KLF3: variants seen among roughly 807,000 people sequenced by gnomAD.
KLF3 encodes Krueppel-like factor 3.
A neutral mutation model predicts 32.7 loss-of-function variants in KLF3; 6 were observed. The ratio of observed to expected loss-of-function variants is 0.18; its 90% CI spans 0.10 to 0.36. The LOEUF is 0.36. Ranked by LOEUF, KLF3 falls within the 10% of genes least tolerant of loss-of-function variation. KLF3 has a pLI of 1.00. For missense variants in KLF3, 338 were observed against 449.7 expected (o/e 0.75, Z 2.25); for synonymous variants, 145 against 172.8 (o/e 0.84, Z 1.26).
At chr4:38,682,139 A>G (rs904282921) in intron 2 of KLF3, among the ~76,000 whole-genome samples, 2 of 152,188 alleles carry the variant, frequency 1.3e-5, no homozygotes, top group African/African-American at 4.8e-5. Flanking sequence ...GCTCACTGCA[A>G]CCTCCGCCTC....
Position 38,697,514 on chromosome 4 carries a change from A to G in KLF3, c.*251A>G, listed in dbSNP as rs1723074935. ...TTTTTTTTTCTGGGGATGCTAAGCA[A>G]ACCCTTCTTACAGATACGTTTAATG... On this transcript the variant is annotated 3_prime_UTR_variant, in exon 6 of 6. Transcript: ENST00000261438. 4 of 389,518 alleles carry G rather than the reference A, an allele frequency of 1.0e-5. No homozygotes were observed. The Admixed American group carries it at 1.6e-4, about 16-fold the overall frequency. 24.1% of individuals were successfully genotyped at this position (389,518 alleles called of 1,614,324 possible). A position where few individuals can be genotyped will look rare whatever the true frequency, so the allele number is the denominator to read the frequency against.
rs79797966 is a variant in KLF3 at position 38,694,401 on chromosome 4, T to C, written c.696-345T>C. ...TGAGGAAAAGAGCCTCCCCAGCACT[T>C]GGTGCCTGCCTCTAGCATAGCACTT... On this transcript the variant is annotated intron_variant, in intron 4 of 5. Coordinates refer to ENST00000261438, the MANE Select transcript of KLF3 (RefSeq NM_016531.6). Among the ~76,000 whole-genome samples the C allele has an allele frequency of 9.3e-4, 141 of 152,306 alleles. 2 individuals are homozygous for C. The East Asian group carries it at 0.013, about 14-fold the overall frequency.
intron 2 of KLF3, among the ~76,000 whole-genome samples, chr4:38,686,967 A>G (rs890133576): frequency 1.3e-5 from 2 of 152,142 alleles, no homozygotes; most frequent in African/African-American, 2.4e-5. Flanking sequence ...CCCAGAGAGG[A>G]AAGAGGGTGA....
intron 1 of KLF3, among the ~76,000 whole-genome samples, chr4:38,672,720 G>A (rs1278786174): frequency 6.6e-6 from 1 of 152,174 alleles, no homozygotes; most frequent in Non-Finnish European, 1.5e-5. Context: ...GTTGTGAGCT[G>A]GAGAAGGATG....
intron 4 of KLF3, among the ~76,000 whole-genome samples, chr4:38,693,080 A>G (rs146782077): frequency 0.024 from 3,258 of 133,638 alleles, 62 homozygotes; most frequent in East Asian, 0.063. Flanking sequence ...ATATATACAC[A>G]TATATATACA....
intron 4 of KLF3, among the ~76,000 whole-genome samples, chr4:38,692,270 GGA>G (rs1009071400): frequency 6.6e-6 from 1 of 152,104 alleles, no homozygotes. Context: ...AAATGGGAGT[GGA>G]GACCAAAAAG....
rs1723190762 is a variant in KLF3 at position 38,701,496 on chromosome 4, AAAT to A, written c.*4236_*4238del. On this transcript the variant is annotated 3_prime_UTR_variant, in exon 6 of 6. Transcript: ENST00000261438. ...GAACAGAACAATAACGCATTAAAGT[AAAT>A]AACTCTGGATAAAAGTAATTATTTT... Among the ~76,000 whole-genome samples the A allele has an allele frequency of 6.6e-6, 1 of 152,240 alleles. No homozygotes were observed. The highest frequency in any genetic ancestry group is 2.4e-5 in the African/African-American group (1 of 41,454).
chr4:38,689,039 A>G lies in KLF3; in HGVS notation c.512A>G (p.Glu171Gly). The G allele has an allele frequency of 1.2e-6, 2 of 1,613,664 alleles. No individual in the cohort carries two copies. Among genetic ancestry groups the G allele is most frequent in the Non-Finnish European group, 1.7e-6 (2 of 1,179,604 alleles). Residue 171 changes from glutamate (E) to glycine (G), a missense_variant, in exon 3 of 6, where the codon GAG becomes GGG. Coordinates refer to ENST00000261438, the MANE Select transcript of KLF3 (RefSeq NM_016531.6). ...CAGCCTCTCATGGTCTCCTTATCGG[A>G]GGAGATGGAAAATTCCAGTAGTAGC... ...LQQPLMVSLS[E>G]EMENSSSSMQ...
intron 4 of KLF3, among the ~76,000 whole-genome samples, 156 bp from the exon 5 acceptor site, chr4:38,694,590 A>G (rs1197478646): frequency 6.6e-6 from 1 of 152,210 alleles, no homozygotes; most frequent in Non-Finnish European, 1.5e-5. Flanking sequence ...TGAATATAGC[A>G]GTGCTTCTTG....
In KLF3 at chr4:38,674,954, C is replaced by CTG. The variant is rs59925041; in HGVS notation, c.-39-5623_-39-5622dup. 0.027 allele frequency among the ~76,000 whole-genome samples: 4,124 copies of CTG among 152,290 alleles called. 61 individuals carry two copies. The highest frequency in any genetic ancestry group is 0.095 in the Middle Eastern group (28 of 294). ...CCCTAACCTCGTCTTCCATGAAGGA[C>CTG]TGTGTGTGTGTTTCTAAGCCCTGCA... On this transcript the variant is annotated intron_variant, in intron 1 of 5. Coordinates refer to ENST00000261438, the MANE Select transcript of KLF3 (RefSeq NM_016531.6). The surrounding 1 kb of genome is among the most constrained non-coding windows in gnomAD (Gnocchi z 4.1).
rs1723129881 is a variant in KLF3, at chr4:38,699,079, T to C, written c.*1816T>C. 7.2e-5 allele frequency: 11 copies of C among 152,182 alleles called. No individual in the cohort carries two copies. The highest frequency in any genetic ancestry group is 7.2e-4 in the Admixed American group (11 of 15,270). 9.4% of individuals were successfully genotyped at this position (152,182 alleles called of 1,614,324 possible). ...ACTGTGCACCTAAGAGGCTAAGAGG[T>C]CCCACTCATCCGCCCTGTGAACCAG... On this transcript the variant is annotated 3_prime_UTR_variant, in exon 6 of 6. Transcript: ENST00000261438.
chr4:38,684,235 G>A (rs1471894545), intron 2 of KLF3, among the ~76,000 whole-genome samples: 1 of 152,018 alleles, frequency 6.6e-6, no homozygotes. Flanking sequence ...ATCCAAACAT[G>A]GTACCTCTTT....
rs970260831 is a variant in KLF3 at position 38,697,661 on chromosome 4, G to A, written c.*398G>A. The A allele has an allele frequency of 1.3e-4, 21 of 161,144 alleles. No individual in the cohort carries two copies. Among genetic ancestry groups the A allele is most frequent in the African/African-American group, 4.8e-4 (20 of 41,770 alleles). 10.0% of individuals were successfully genotyped at this position (161,144 alleles called of 1,614,324 possible). A position where few individuals can be genotyped will look rare whatever the true frequency, so the allele number is the denominator to read the frequency against. On this transcript the variant is annotated 3_prime_UTR_variant, in exon 6 of 6. Coordinates refer to ENST00000261438, the MANE Select transcript of KLF3 (RefSeq NM_016531.6). Reference sequence around the variant, plus strand: ...GTATCCAGACTGCTAGTCCTTGCCAGAGACATTCTTACCTCTGCCCTGTGA... The same window carrying A: ...GTATCCAGACTGCTAGTCCTTGCCAAAGACATTCTTACCTCTGCCCTGTGA...
At chr4:38,684,724 T>A (rs1722642403) in intron 2 of KLF3, among the ~76,000 whole-genome samples, 2 of 151,854 alleles carry the variant, frequency 1.3e-5, no homozygotes, top group Non-Finnish European at 2.9e-5. Flanking sequence ...CCGCTACATT[T>A]TTGTTTTTTT....
Position 38,680,611 on chromosome 4 carries a change from G to A in KLF3, c.-15G>A. The A allele has an allele frequency of 1.2e-6, 2 of 1,608,424 alleles. No homozygotes were observed. Among genetic ancestry groups the A allele is most frequent in the Middle Eastern group, 1.7e-4 (1 of 6,056 alleles). ...GGCCAAACACCAGAGCACCCTAGAAGGTTTAACTAAAAGAATGCTCATGTT... is the reference window on the plus strand; with the variant it reads ...GGCCAAACACCAGAGCACCCTAGAAAGTTTAACTAAAAGAATGCTCATGTT... On this transcript the variant is annotated 5_prime_UTR_variant, in exon 2 of 6. Transcript: ENST00000261438.
chr4:38,694,634 T>A, intron 4 of KLF3, 112 bp from the exon 5 acceptor site: 1 of 919,236 alleles, frequency 1.1e-6, no homozygotes, highest in Non-Finnish European at 1.6e-6. Flanking sequence ...GTTTATTTTG[T>A]TGGGATTTTT....
chr4:38,669,615 G>A (rs1015264744), intron 1 of KLF3, among the ~76,000 whole-genome samples: 1 of 152,028 alleles, frequency 6.6e-6, no homozygotes, highest in Non-Finnish European at 1.5e-5. Context: ...GTCCTCGGCC[G>A]GGCGCGGTGG....
chr4:38,673,620 G>C (rs1722262659), intron 1 of KLF3, among the ~76,000 whole-genome samples: 1 of 152,238 alleles, frequency 6.6e-6, no homozygotes, highest in Non-Finnish European at 1.5e-5. Flanking sequence ...TAAGAAGGGT[G>C]TGGAATGCCA....
Position 38,688,182 on chromosome 4 carries a change from A to G in KLF3, c.58-403A>G, listed in dbSNP as rs912979465. On this transcript the variant is annotated intron_variant, in intron 2 of 5. Transcript: ENST00000261438. This position sits in a 1 kb window ranked among gnomAD's most constrained non-coding sequence, Gnocchi z 4.9. ...ATCAAGAAACCCCACCAGAAAAGCA[A>G]CCAGGTTGGTTTGGCTTGACTGGTT... is the stretch of plus-strand genomic sequence containing the variant. Among the ~76,000 whole-genome samples, 1 of 152,188 alleles carries G rather than the reference A, an allele frequency of 6.6e-6. No individual in the cohort carries two copies. The highest frequency in any genetic ancestry group is 6.5e-5 in the Admixed American group (1 of 15,286).
Sources: gnomAD v4.1 joint callset for allele counts (sites outside exome capture counted in the v4.1 genomes callset) on GRCh38, gnomAD v4.1.1 for gene constraint, Gnocchi (gnomAD v3.1) non-coding constraint, MANE v1.5 for transcripts, NCBI Gene and HGNC (gene_info 2026-07-23, HGNC 2026-07-21) for gene names.